The following KCNN4 variants were observed in gnomAD, a reference collection of about 807,000 sequenced individuals.
KCNN4 encodes potassium calcium-activated channel subfamily N member 4, also known as intermediate conductance calcium-activated potassium channel protein 4.
A neutral mutation model predicts 45.2 loss-of-function variants in KCNN4; 31 were observed. The ratio of observed to expected loss-of-function variants is 0.69; its 90% CI spans 0.52 to 0.92. The LOEUF (loss-of-function observed/expected upper bound fraction) is 0.92. Among genes scored for constraint, KCNN4 ranks in the 40% least tolerant of loss-of-function variants. KCNN4 has a pLI of 0.00. For missense variants in KCNN4, 463 were observed against 574.0 expected (o/e 0.81, Z 1.98); for synonymous variants, 231 against 254.6 (o/e 0.91, Z 0.88).
rs1969736372 is a variant in KCNN4, at chr19:43,774,432, C to G, written c.443G>C (p.Gly148Ala). Residue 148 changes from glycine (G) to alanine (A), a missense_variant, in exon 3 of 9, where the codon GGG (glycine) becomes GCG (alanine). Gly to Ala is a moderately conservative substitution (Grantham distance 60). Transcript: ENST00000648319. This position sits in a 1 kb window ranked among gnomAD's most constrained non-coding sequence, Gnocchi z 5.6. ...CATGGCCAGGGACAGCAGCGCTTCC[C>G]CTTGGCCCAGGAATCCCGGCCAGGG... is the stretch of plus-strand genomic sequence containing the variant. ...PQPWPGFLGQGEALLSLAMLL... is the reference protein window; with the variant it reads ...PQPWPGFLGQAEALLSLAMLL... 3 of 1,596,542 alleles carry G rather than the reference C, an allele frequency of 1.9e-6. No homozygotes were observed. The highest frequency in any genetic ancestry group is 2.6e-6 in the Non-Finnish European group (3 of 1,171,720).
chr19:43,778,529 G>A (rs1363366240), intron 1 of KCNN4, among the ~76,000 whole-genome samples: 5 of 152,200 alleles, frequency 3.3e-5, no homozygotes, highest in East Asian at 1.9e-4. Context: ...GTGAGCCACC[G>A]CGCCCGGCCC....
At chr19:43,780,374 G>A (rs1704904209) in intron 1 of KCNN4, among the ~76,000 whole-genome samples, 1 of 148,374 alleles carries the variant, frequency 6.7e-6, no homozygotes, top group Non-Finnish European at 1.5e-5. Flanking sequence ...TCAGATCCAG[G>A]AGTCCTGACC....
chr19:43,768,199 CCAATTCCTGCAGATCTGGGCCA>C (rs1969536750), intron 7 of KCNN4, among the ~76,000 whole-genome samples: 2 of 152,240 alleles, frequency 1.3e-5, no homozygotes, highest in Non-Finnish European at 2.9e-5. Flanking sequence ...TTACCACCTG[CCAATTCCTGCAGATCTGGGCCA>C]CTGCCTCGTC....
Position 43,772,665 on chromosome 19 carries a change from G to A in KCNN4, c.684-530C>T, listed in dbSNP as rs1255065922. The stretch of plus-strand genomic sequence containing the variant: ...CTCACTTCACAGAGGAGACATTTAA[G>A]TCCAGCCATGGAAGGGGTTGAAACA... On this transcript the variant is annotated intron_variant, in intron 3 of 8. Transcript: ENST00000648319. The surrounding 1 kb of genome is among the most constrained non-coding windows in gnomAD (Gnocchi z 4.4). Among the ~76,000 whole-genome samples the A allele has an allele frequency of 6.6e-6, 1 of 152,160 alleles. No homozygotes were observed. The highest frequency in any genetic ancestry group is 1.5e-5 in the Non-Finnish European group (1 of 68,030).
At position 43,769,850 on chromosome 19, in the gene KCNN4, G is replaced by A. The variant is rs199498126; in HGVS notation, c.820-21C>T. 3.6e-5 allele frequency: 57 copies of A among 1,568,566 alleles called. No homozygotes were observed. Among genetic ancestry groups the A allele is most frequent in the African/African-American group, 8.1e-5 (6 of 73,980 alleles). ...ACACCCTGTGGGCACAGCAGGCACC[G>A]TGGCATGAGGCTGTGCCACCGACTC... On this transcript the variant is annotated intron_variant, in intron 4 of 8. Transcript: ENST00000648319. This position sits in a 1 kb window ranked among gnomAD's most constrained non-coding sequence, Gnocchi z 4.4.
chr19:43,771,026 G>A (rs949380385), intron 4 of KCNN4, among the ~76,000 whole-genome samples: 2 of 152,140 alleles, frequency 1.3e-5, no homozygotes, highest in African/African-American at 4.8e-5. Flanking sequence ...TCCTTCCTAG[G>A]CCCACATCTG....
At chr19:43,771,066 G>A (rs899319470) in intron 4 of KCNN4, among the ~76,000 whole-genome samples, 8 of 152,156 alleles carry the variant, frequency 5.3e-5, no homozygotes, top group Admixed American at 3.9e-4. Flanking sequence ...AGGTCCCCGA[G>A]GGTGAGGGGA....
At position 43,771,993 on chromosome 19, in the gene KCNN4, T is replaced by C; in HGVS notation, c.819+7A>G. The C allele has an allele frequency of 6.2e-7, 1 of 1,603,500 alleles. No individual in the cohort carries two copies. The highest frequency in any genetic ancestry group is 8.5e-7 in the Non-Finnish European group (1 of 1,175,844). On this transcript the variant is annotated splice_region_variant and intron_variant, in intron 4 of 8. Transcript: ENST00000648319. Reference sequence around the variant, plus strand: ...AGGGATCATGTCCCCAAGGCAGCTGTACTCACCATGACTCCAGTGCACAGG... The same window carrying C: ...AGGGATCATGTCCCCAAGGCAGCTGCACTCACCATGACTCCAGTGCACAGG...
intron 8 of KCNN4, 163 bp from the exon 9 acceptor site, chr19:43,767,252 C>T (rs1331181688): frequency 2.6e-6 from 1 of 383,974 alleles, no homozygotes; most frequent in Non-Finnish European, 4.9e-6. Flanking sequence ...TAGACAGAGA[C>T]ATTGGATGGA....
Position 43,769,340 on chromosome 19 carries a change from T to C in KCNN4, c.1049+102A>G, listed in dbSNP as rs559436909. 2.2e-5 allele frequency: 20 copies of C among 923,064 alleles called. No individual in the cohort carries two copies. In the African/African-American group the frequency reaches 2.9e-4, roughly 13 times the overall value. 57.2% of individuals were successfully genotyped at this position (923,064 alleles called of 1,614,324 possible). A position where few individuals can be genotyped will look rare whatever the true frequency, so the allele number is the denominator to read the frequency against. ...TGTTGAGTGAGACCACACCTGGGTG[T>C]CCTGACCTGGACAGGCATGGACATG... On this transcript the variant is annotated intron_variant, in intron 6 of 8. Transcript: ENST00000648319. The surrounding 1 kb of genome is among the most constrained non-coding windows in gnomAD (Gnocchi z 4.4).
At chr19:43,779,295 C>T (rs12609846) in intron 1 of KCNN4, among the ~76,000 whole-genome samples, 85,515 of 151,950 alleles carry the variant, frequency 0.56, 24,368 homozygotes, top group East Asian at 0.79. Context: ...TGCGGTGCTT[C>T]GGCGTGGGAG....
chr19:43,772,246 C>T lies in KCNN4; in HGVS notation c.684-111G>A. ...CCCTTCCCTCTGGTTCCCTCCCTTC[C>T]CCTCCCAGTATACACCCATAGTCCT... On this transcript the variant is annotated intron_variant, in intron 3 of 8. Coordinates refer to ENST00000648319, the MANE Select transcript of KCNN4 (RefSeq NM_002250.3). The surrounding 1 kb of genome is among the most constrained non-coding windows in gnomAD (Gnocchi z 4.4). 8.3e-7 allele frequency: 1 copy of T among 1,198,012 alleles called. No homozygotes were observed. The highest frequency in any genetic ancestry group is 1.4e-5 in the South Asian group (1 of 69,608). The allele number at this position is 1,198,012 out of a possible 1,614,324, so 74.2% of individuals were successfully genotyped here.
At position 43,769,914 on chromosome 19, in the gene KCNN4, C is replaced by T. The variant is rs2306800; in HGVS notation, c.820-85G>A. The T allele has an allele frequency of 1.7e-3, 1,467 of 840,596 alleles. 23 individuals carry two copies. In the East Asian group the frequency reaches 0.03, roughly 17 times the overall value. The allele number at this position is 840,596 out of a possible 1,614,324, so 52.1% of individuals were successfully genotyped here. ...GCCCAACAGCCACAGACGGTAGGCACGACCATCCCCAGTTAGCAGACAAGC... is the reference window on the plus strand; with the variant it reads ...GCCCAACAGCCACAGACGGTAGGCATGACCATCCCCAGTTAGCAGACAAGC... On this transcript the variant is annotated intron_variant, in intron 4 of 8. Transcript: ENST00000648319. This position sits in a 1 kb window ranked among gnomAD's most constrained non-coding sequence, Gnocchi z 4.4.
In KCNN4 at chr19:43,774,765, A is replaced by G. The variant is rs758452100; in HGVS notation, c.256-146T>C. 1.0e-4 allele frequency: 65 copies of G among 621,884 alleles called. No individual in the cohort carries two copies. Among genetic ancestry groups the G allele is most frequent in the Non-Finnish European group, 1.6e-4 (62 of 384,288 alleles). 38.5% of individuals were successfully genotyped at this position (621,884 alleles called of 1,614,324 possible). A position where few individuals can be genotyped will look rare whatever the true frequency, so the allele number is the denominator to read the frequency against. On this transcript the variant is annotated intron_variant, in intron 2 of 8. Transcript: ENST00000648319. This position sits in a 1 kb window ranked among gnomAD's most constrained non-coding sequence, Gnocchi z 5.6. ...AGTGCAGGGCGGGAGAGGGATAGGG[A>G]GGGAGCGGGACAGGACTTGAGGAAG...
chr19:43,777,563 G>A (rs150022022), intron 1 of KCNN4, among the ~76,000 whole-genome samples: 41 of 152,152 alleles, frequency 2.7e-4, no homozygotes, highest in Non-Finnish European at 5.1e-4. Context: ...CAGCCCCCTC[G>A]GTTCTGCCCC....
At position 43,774,386 on chromosome 19, in the gene KCNN4, C is replaced by T. The variant is rs199509494; in HGVS notation, c.489G>A (p.Val163=). Residue 163 remains valine (V), a synonymous_variant, in exon 3 of 9, where the codon GTG becomes GTA. Transcript: ENST00000648319. This position sits in a 1 kb window ranked among gnomAD's most constrained non-coding sequence, Gnocchi z 5.6. ...SLAMLLRLYL[V]PRAVLLRSGV... is the part of the protein sequence containing the mutation. ...CGCTGCGCAGGAGCACGGCGCGGGG[C>T]ACCAGGTAGAGACGCAGCAGCATGG... 3 of 1,602,882 alleles carry T rather than the reference C, an allele frequency of 1.9e-6. No individual in the cohort carries two copies. The African/African-American group carries it at 4.0e-5, about 21-fold the overall frequency.
Position 43,772,272 on chromosome 19 carries a change from A to G in KCNN4, c.684-137T>C. ...CCTCCCAGTATACACCCATAGTCCT[A>G]AGAATCACCTGGACAAAAAGCCATT... is the stretch of plus-strand genomic sequence containing the variant. On this transcript the variant is annotated intron_variant, in intron 3 of 8. Coordinates refer to ENST00000648319, the MANE Select transcript of KCNN4 (RefSeq NM_002250.3). This position sits in a 1 kb window ranked among gnomAD's most constrained non-coding sequence, Gnocchi z 4.4. 1 of 914,494 alleles carries G rather than the reference A, an allele frequency of 1.1e-6. No individual in the cohort carries two copies. Among genetic ancestry groups the G allele is most frequent in the Non-Finnish European group, 1.6e-6 (1 of 630,878 alleles). The allele number at this position is 914,494 out of a possible 1,614,324, so 56.6% of individuals were successfully genotyped here.
chr19:43,777,298 G>GGGGTGT (rs1555725378), intron 1 of KCNN4, among the ~76,000 whole-genome samples: 1 of 33,064 alleles, frequency 3.0e-5, no homozygotes, highest in Non-Finnish European at 8.8e-5. Flanking sequence ...TAGTTCTTCA[G>GGGGTGT]GTGTGTGTGT....
rs751206932 is a variant in KCNN4 at position 43,774,016 on chromosome 19, T to C, written c.683+176A>G. Among the ~76,000 whole-genome samples the C allele has an allele frequency of 1.3e-5, 2 of 152,140 alleles. No individual in the cohort carries two copies. The highest frequency in any genetic ancestry group is 2.4e-5 in the African/African-American group (1 of 41,432). The stretch of plus-strand genomic sequence containing the variant: ...CTGGGGGCTTGTCTGTTGGTTCCTC[T>C]CACCCCAGTTGATGGGAGTGTGGGC... On this transcript the variant is annotated intron_variant, in intron 3 of 8. Coordinates refer to ENST00000648319, the MANE Select transcript of KCNN4 (RefSeq NM_002250.3). The surrounding 1 kb of genome is among the most constrained non-coding windows in gnomAD (Gnocchi z 5.6).
Sources: gnomAD v4.1 joint callset for allele counts (sites outside exome capture counted in the v4.1 genomes callset) on GRCh38, gnomAD v4.1.1 for gene constraint, Gnocchi (gnomAD v3.1) non-coding constraint, MANE v1.5 for transcripts, NCBI Gene and HGNC (gene_info 2026-07-23, HGNC 2026-07-21) for gene names.